RAB4A: variants seen among roughly 807,000 people sequenced by gnomAD.
RAB4A encodes ras-related protein Rab-4A.
A neutral mutation model predicts 34.5 loss-of-function variants in RAB4A; 20 were observed. The ratio of observed to expected loss-of-function variants is 0.58; its 90% confidence interval spans 0.41 to 0.84. The LOEUF is 0.84. RAB4A is among the 40% of genes least tolerant of loss of function. The pLI, the probability that RAB4A is intolerant of heterozygous loss-of-function variation, is 0.00. For synonymous variants in RAB4A, 102 were observed against 100.0 expected (o/e 1.02, Z -0.12); for missense variants, 228 against 274.5 (o/e 0.83, Z 1.20).
intron 1 of RAB4A, among the ~76,000 whole-genome samples, chr1:229,273,633 G>C (rs1344742826): frequency 6.6e-6 from 1 of 152,152 alleles, no homozygotes; most frequent in African/African-American, 2.4e-5. Flanking sequence ...CGGCTACTTG[G>C]GAGGCTGAGG....
intron 6 of RAB4A, among the ~76,000 whole-genome samples, chr1:229,301,338 T>G (rs1657381082): frequency 6.6e-6 from 1 of 151,690 alleles, no homozygotes; most frequent in South Asian, 2.1e-4. Flanking sequence ...AGGAGGGTGC[T>G]AGGTGAAGTA....
At chr1:229,302,783 CTTTT>C in intron 6 of RAB4A, 75 bp from the exon 7 acceptor site, 1 of 821,104 alleles carries the variant, frequency 1.2e-6, no homozygotes, top group Non-Finnish European at 1.8e-6. Context: ...CTGTACTTTG[CTTTT>C]TTTTTTTTTA....
chr1:229,289,923 A>G (rs1657024371), intron 3 of RAB4A, among the ~76,000 whole-genome samples: 1 of 152,240 alleles, frequency 6.6e-6, no homozygotes, highest in Admixed American at 6.5e-5. Flanking sequence ...GGTGGATTCA[A>G]TTAGACATTT....
At chr1:229,277,930 T>TCTCA (rs1656691482) in intron 1 of RAB4A, among the ~76,000 whole-genome samples, 1 of 151,386 alleles carries the variant, frequency 6.6e-6, no homozygotes, top group African/African-American at 2.5e-5. Context: ...AGTGGCATTA[T>TCTCA]CTCAGCTCAC....
At position 229,299,087 on chromosome 1, in the gene RAB4A, A is replaced by G. The variant is rs1657316599; in HGVS notation, c.541+15A>G. On this transcript the variant is annotated intron_variant, in intron 6 of 7. Coordinates refer to ENST00000366690, the MANE Select transcript of RAB4A (RefSeq NM_004578.4). ...AATCGAATCAGGTAAAAGCCTTTCC[A>G]TTAAGCAACTTTTCTTCTGCATATT... is the stretch of plus-strand genomic sequence containing the variant. 3 of 1,559,658 alleles carry G rather than the reference A, an allele frequency of 1.9e-6. No individual in the cohort carries two copies. The highest frequency in any genetic ancestry group is 1.4e-5 in the African/African-American group (1 of 72,486).
Position 229,297,497 on chromosome 1 carries a change from T to C in RAB4A, c.306T>C (p.Asn102=). Residue 102 remains asparagine (N), a synonymous_variant, in exon 5 of 8, where the codon AAT becomes AAC. Transcript: ENST00000366690. ...TATTACGCAGCCGAGAAACCTACAA[T>C]GCGCTTACTAATTGGTTAACAGATG... ...VYDITSRETY[N]ALTNWLTDAR... is the part of the protein sequence containing the mutation. 3 of 1,601,396 alleles carry C rather than the reference T, an allele frequency of 1.9e-6. No homozygotes were observed. The highest frequency in any genetic ancestry group is 1.1e-5 in the South Asian group (1 of 87,644).
Position 229,278,413 on chromosome 1 carries a change from A to C in RAB4A, c.31+7043A>C, listed in dbSNP as rs540029733. On this transcript the variant is annotated intron_variant, in intron 1 of 7. Coordinates refer to ENST00000366690, the MANE Select transcript of RAB4A (RefSeq NM_004578.4). ...AGCAATCATTTTTCTTATCCTGGCCACCTCTCTCTCCACATCAGCTATTTT... is the reference window on the plus strand; with the variant it reads ...AGCAATCATTTTTCTTATCCTGGCCCCCTCTCTCTCCACATCAGCTATTTT... Among the ~76,000 whole-genome samples, 4 of 151,336 alleles carry C rather than the reference A, an allele frequency of 2.6e-5. 1 individual carries two copies. Among genetic ancestry groups the C allele is most frequent in the African/African-American group, 9.7e-5 (4 of 41,220 alleles).
chr1:229,271,506 T>C, intron 1 of RAB4A, 136 bp downstream of exon 1: 1 of 756,772 alleles, frequency 1.3e-6, no homozygotes, highest in Non-Finnish European at 1.7e-6. Context: ...CTCGGAGGTG[T>C]CTGGGCTTGG....
At chr1:229,273,321 A>G (rs1035227221) in intron 1 of RAB4A, among the ~76,000 whole-genome samples, 2 of 152,274 alleles carry the variant, frequency 1.3e-5, no homozygotes, top group Non-Finnish European at 2.9e-5. Flanking sequence ...CATTCTGATC[A>G]TAAGGCTTTG....
At chr1:229,302,412 G>GAC (rs1421596621) in intron 6 of RAB4A, among the ~76,000 whole-genome samples, 1 of 147,072 alleles carries the variant, frequency 6.8e-6, no homozygotes, top group African/African-American at 2.5e-5. Context: ...TCTTGGTGTA[G>GAC]AGGCTGTCAC....
At chr1:229,286,612 A>G (rs1656930585) in intron 2 of RAB4A, 46 bp downstream of exon 2, 2 of 1,196,526 alleles carry the variant, frequency 1.7e-6, no homozygotes, top group East Asian at 2.6e-5. Context: ...GTCTTCTGAG[A>G]GCCCTCTCAC....
At chr1:229,272,554 C>G (rs969547060) in intron 1 of RAB4A, among the ~76,000 whole-genome samples, 1 of 151,904 alleles carries the variant, frequency 6.6e-6, no homozygotes, top group African/African-American at 2.4e-5. Context: ...GGAGTGTGGT[C>G]CGTGAAAGTG....
In RAB4A at chr1:229,302,926, G is replaced by A. The variant is rs1410393527; in HGVS notation, c.606G>A (p.Leu202=). ...IQYGDAALRQ[L]RSPRRAQAPN... is the part of the protein sequence containing the mutation. ...ACGGAGATGCTGCCTTGAGACAGCT[G>A]AGGTCACCGCGGCGCGCACAGGCCC... The change falls in exon 7 of 8, where the codon CTG becomes CTA. Residue 202 remains leucine, a synonymous_variant. Transcript: ENST00000366690. 6.2e-7 allele frequency: 1 copy of A among 1,614,012 alleles called. No homozygotes were observed. Among genetic ancestry groups the A allele is most frequent in the East Asian group, 2.2e-5 (1 of 44,876 alleles).
intron 1 of RAB4A, among the ~76,000 whole-genome samples, chr1:229,285,254 C>T (rs942552648): frequency 3.3e-5 from 5 of 152,168 alleles, no homozygotes; most frequent in African/African-American, 4.8e-5. Flanking sequence ...AAACAATCCT[C>T]CCTCCTTAAC....
In RAB4A at chr1:229,271,178, C is replaced by T. The variant is rs1656451909; in HGVS notation, c.-162C>T. 9.5e-6 allele frequency: 6 copies of T among 629,916 alleles called. No homozygotes were observed. The highest frequency in any genetic ancestry group is 1.3e-5 in the Non-Finnish European group (6 of 445,018). 39.0% of individuals were successfully genotyped at this position (629,916 alleles called of 1,614,324 possible). ...CCTGCGCCTGCGCGGAGCTGGAGTC[C>T]GGCTGGGCCGCAGCCGCTGGGAGAC... On this transcript the variant is annotated 5_prime_UTR_variant, in exon 1 of 8. Transcript: ENST00000366690.
intron 3 of RAB4A, 197 bp downstream of exon 3, chr1:229,289,040 A>G: frequency 1.9e-6 from 1 of 538,990 alleles, no homozygotes. Context: ...TGGATTACTA[A>G]AGAATACAGG....
chr1:229,303,014 T>C (rs757455195), intron 7 of RAB4A, 25 bp downstream of exon 7: 2 of 1,521,588 alleles, frequency 1.3e-6, no homozygotes, highest in Admixed American at 3.4e-5. Flanking sequence ...CTCCCTGCCC[T>C]GAGTTCCTGG....
At chr1:229,286,013 G>A (rs577633582) in intron 1 of RAB4A, among the ~76,000 whole-genome samples, 6 of 152,296 alleles carry the variant, frequency 3.9e-5, no homozygotes, top group South Asian at 2.1e-4. Context: ...GCAAGACCAC[G>A]TAAATCTGCA....
intron 1 of RAB4A, among the ~76,000 whole-genome samples, chr1:229,280,913 A>G (rs1656761702): frequency 6.6e-6 from 1 of 152,234 alleles, no homozygotes; most frequent in African/African-American, 2.4e-5. Flanking sequence ...TTCACTCAGT[A>G]TAATTCTCTG....
Sources: gnomAD v4.1 joint callset for allele counts (sites outside exome capture counted in the v4.1 genomes callset) on GRCh38, gnomAD v4.1.1 for gene constraint, MANE v1.5 for transcripts, NCBI Gene and HGNC (gene_info 2026-07-23, HGNC 2026-07-21) for gene names.